R3HDM2: variants seen among roughly 807,000 people sequenced by gnomAD.
R3HDM2 encodes R3H domain-containing protein 2.
Under a neutral mutation model 124.5 loss-of-function variants are expected in R3HDM2, and 38 were observed. That is an observed-to-expected ratio of 0.31 (90% CI 0.24 to 0.40). The LOEUF (loss-of-function observed/expected upper bound fraction) is 0.40. Ranked by LOEUF, R3HDM2 falls within the 10% of genes least tolerant of loss-of-function variation. The probability of loss-of-function intolerance (pLI) is 1.00; values close to 1 mark genes in which losing one functional copy is unlikely to be tolerated. For missense variants in R3HDM2, 869 were observed against 1,236.9 expected, an observed-to-expected ratio of 0.70 and a Z score of 4.46; for synonymous variants, 391 against 448.0, an observed-to-expected ratio of 0.87 and a Z score of 1.61.
chr12:57,386,372 G>A (rs986824813), intron 2 of R3HDM2, among the ~76,000 whole-genome samples: 2 of 152,242 alleles, frequency 1.3e-5, no homozygotes, highest in Non-Finnish European at 2.9e-5. Context: ...ACGAGTTCCG[G>A]GTGGGAGTGG....
intron 11 of R3HDM2, among the ~76,000 whole-genome samples, chr12:57,292,065 A>C (rs2048768594): frequency 6.6e-6 from 1 of 152,226 alleles, no homozygotes; most frequent in South Asian, 2.1e-4. Flanking sequence ...CTCTCTGTGC[A>C]TGTAGAATGT....
chr12:57,347,177 T>C (rs1026741523), intron 2 of R3HDM2, among the ~76,000 whole-genome samples: 1 of 152,036 alleles, frequency 6.6e-6, no homozygotes, highest in African/African-American at 2.4e-5. Flanking sequence ...GTCCAGGAGT[T>C]TGAAGCTGCA....
At chr12:57,330,091 C>T (rs1000663650) in intron 2 of R3HDM2, among the ~76,000 whole-genome samples, 5 of 151,680 alleles carry the variant, frequency 3.3e-5, no homozygotes, top group Admixed American at 2.0e-4. Context: ...TTCAGCCTCC[C>T]GAGTAGCTGG....
intron 2 of R3HDM2, among the ~76,000 whole-genome samples, chr12:57,332,896 A>T (rs953784821): frequency 3.3e-5 from 5 of 152,230 alleles, no homozygotes; most frequent in African/African-American, 1.2e-4. Context: ...GAATAAACTC[A>T]TGGGCCTTTG....
At chr12:57,429,727 A>C (rs1869204015) in intron 1 of R3HDM2, among the ~76,000 whole-genome samples, 2 of 128,808 alleles carry the variant, frequency 1.6e-5, no homozygotes, top group South Asian at 5.6e-4. Flanking sequence ...AACAAAATAC[A>C]ACCTTTTGTC....
intron 2 of R3HDM2, among the ~76,000 whole-genome samples, chr12:57,323,895 C>T (rs958375148): frequency 1.3e-5 from 2 of 152,148 alleles, no homozygotes; most frequent in African/African-American, 4.8e-5. Flanking sequence ...GCTTCCATTT[C>T]CTCTAGCTTT....
At position 57,269,978 on chromosome 12, in the gene R3HDM2, T is replaced by C. The variant is rs763736021; in HGVS notation, c.1361A>G (p.Asn454Ser). The change falls in exon 15 of 24, where the codon AAC (asparagine) becomes AGC (serine). Residue 454 changes from asparagine (N) to serine (S), a missense_variant. Coordinates refer to ENST00000402412, the MANE Select transcript of R3HDM2 (RefSeq NM_001394031.1). ...ACTAAGGCTCATTTGTCCAAAGGGG[T>C]TGCTGAGGTCATCTGCCTGTTGAGA... ...HMISQADDLS[N>S]PFGQMSLSRQ... 1.2e-6 allele frequency: 2 copies of C among 1,614,126 alleles called. No homozygotes were observed. The highest frequency in any genetic ancestry group is 1.7e-6 in the Non-Finnish European group (2 of 1,180,026).
At chr12:57,395,503 CAA>C (rs1429604857) in intron 2 of R3HDM2, among the ~76,000 whole-genome samples, 1 of 140,226 alleles carries the variant, frequency 7.1e-6, no homozygotes, top group African/African-American at 2.6e-5. Context: ...AACTTCATCT[CAA>C]AAAAAAAAAG....
Position 57,296,459 on chromosome 12 carries a change from T to G in R3HDM2, c.653A>C (p.Asp218Ala), listed in dbSNP as rs372362725. Residue 218 changes from aspartate (D) to alanine (A), a missense_variant, in exon 9 of 24, where the codon GAT becomes GCT. Asp to Ala is a moderately radical substitution (Grantham distance 126, BLOSUM62 -2). Around this residue, in one of 2 missense-constraint regions of R3HDM2, gnomAD observed 267 missense variants for 447.7 expected, o/e 0.60. Transcript: ENST00000402412. The surrounding 1 kb of genome is among the most constrained non-coding windows in gnomAD (Gnocchi z 4.5). ...AAYFGMDHNV[D>A]QTGKAVIINK... is the part of the protein sequence containing the mutation. ...GATGATGACAGCTTTCCCAGTTTGA[T>G]CAACATTGTGGTCCATCCCAAAATA... 4.5e-6 allele frequency: 7 copies of G among 1,552,144 alleles called. No individual in the cohort carries two copies. The highest frequency in any genetic ancestry group is 6.1e-6 in the Non-Finnish European group (7 of 1,147,110).
At chr12:57,263,017 C>T (rs1174070612) in intron 19 of R3HDM2, among the ~76,000 whole-genome samples, 5 of 152,200 alleles carry the variant, frequency 3.3e-5, no homozygotes, top group Non-Finnish European at 4.4e-5. Context: ...TTATCTCTTT[C>T]TTCTAACCCT....
chr12:57,354,643 T>C (rs572464905), intron 2 of R3HDM2, among the ~76,000 whole-genome samples: 4 of 152,214 alleles, frequency 2.6e-5, no homozygotes, highest in Non-Finnish European at 5.9e-5. Flanking sequence ...TGCTGATTTT[T>C]CAACCCTGTA....
In R3HDM2 at chr12:57,284,285, C is replaced by G. The variant is rs946801619; in HGVS notation, c.939-229G>C. On this transcript the variant is annotated intron_variant, in intron 12 of 23. Transcript: ENST00000402412. ...AGAGGCAAATCTGGAAGACAGTGCACTGGCAACTAATTTAATACATCAGAC... is the reference window on the plus strand; with the variant it reads ...AGAGGCAAATCTGGAAGACAGTGCAGTGGCAACTAATTTAATACATCAGAC... Among the ~76,000 whole-genome samples, 5 of 152,192 alleles carry G rather than the reference C, an allele frequency of 3.3e-5. No individual in the cohort carries two copies. In the South Asian group the frequency reaches 6.2e-4, roughly 19 times the overall value.
At chr12:57,354,412 C>T (rs2061024919) in intron 2 of R3HDM2, among the ~76,000 whole-genome samples, 1 of 151,920 alleles carries the variant, frequency 6.6e-6, no homozygotes, top group Admixed American at 6.6e-5. Flanking sequence ...CATGTCTCAG[C>T]CTCCAGAGTA....
chr12:57,277,997 A>T (rs745314378), intron 14 of R3HDM2, among the ~76,000 whole-genome samples: 3 of 152,184 alleles, frequency 2.0e-5, no homozygotes, highest in Non-Finnish European at 2.9e-5. Context: ...AGGGTGAAAA[A>T]GTGGAGAGGG....
intron 3 of R3HDM2, 92 bp from the exon 4 acceptor site, chr12:57,303,309 T>C: frequency 8.4e-7 from 1 of 1,192,688 alleles, no homozygotes; most frequent in Non-Finnish European, 1.2e-6. Flanking sequence ...AAGCACTAAC[T>C]GTAAAAACCA....
At chr12:57,400,659 A>G (rs947934954) in intron 1 of R3HDM2, among the ~76,000 whole-genome samples, 3 of 152,204 alleles carry the variant, frequency 2.0e-5, no homozygotes, top group Non-Finnish European at 4.4e-5. Context: ...CTGCTCCTGC[A>G]GCAGAGCCCT....
At chr12:57,301,356 C>T (rs112224164) in intron 4 of R3HDM2, among the ~76,000 whole-genome samples, 10 of 152,192 alleles carry the variant, frequency 6.6e-5, no homozygotes, top group African/African-American at 2.2e-4. Context: ...TACAATAAAA[C>T]CAAGGATTAC....
intron 21 of R3HDM2, 113 bp from the exon 22 acceptor site, chr12:57,256,624 A>G: frequency 1.4e-6 from 1 of 721,396 alleles, no homozygotes; most frequent in East Asian, 2.9e-5. Context: ...CTAATTTTCT[A>G]TGATGGAAAT....
At chr12:57,392,502 G>A (rs905705378) in intron 2 of R3HDM2, among the ~76,000 whole-genome samples, 5 of 152,090 alleles carry the variant, frequency 3.3e-5, no homozygotes, top group Non-Finnish European at 5.9e-5. Flanking sequence ...CTCGCCTGCC[G>A]CTTACCTCTT....
Sources: allele counts gnomAD v4.1 joint callset (sites outside exome capture counted in the v4.1 genomes callset), GRCh38; gene constraint gnomAD v4.1.1; regional missense constraint gnomAD v4.1.1; non-coding constraint Gnocchi (gnomAD v3.1); transcripts MANE v1.5; gene names NCBI Gene and HGNC (gene_info 2026-07-23, HGNC 2026-07-21).